ITPR2: variants seen among roughly 807,000 people sequenced by gnomAD.
ITPR2 encodes inositol 1,4,5-trisphosphate-gated calcium channel ITPR2.
In ITPR2, 207 loss-of-function variants were observed where a neutral mutation model predicts 317.1. The observed-to-expected ratio is 0.65, with a 90% confidence interval of 0.58 to 0.73. ITPR2 has a LOEUF of 0.73. Among genes scored for constraint, ITPR2 ranks in the 30% least tolerant of loss-of-function variants. The pLI is 0.00. For synonymous variants in ITPR2, 1,156 were observed against 1,149.1 expected, an observed-to-expected ratio of 1.01 and a Z score of -0.12; for missense variants, 2,613 against 3,284.0, an observed-to-expected ratio of 0.80 and a Z score of 4.99.
At chr12:26,553,798 C>G (rs763916739) in intron 36 of ITPR2, among the ~76,000 whole-genome samples, 22 of 152,150 alleles carry the variant, frequency 1.4e-4, no homozygotes, top group South Asian at 2.1e-4. Context: ...AAAAAAGACC[C>G]CTGGCAAAGC....
Position 26,401,605 on chromosome 12 carries a change from T to C in ITPR2, c.7400-1347A>G, listed in dbSNP as rs536403476. Among the ~76,000 whole-genome samples the C allele has an allele frequency of 5.9e-5, 9 of 152,310 alleles. No individual in the cohort carries two copies. In the South Asian group the frequency reaches 1.7e-3, roughly 28 times the overall value. ...ACACTGGCAAATGACCAGAAATGTA[T>C]TTTTCTCACTACAAGGTTAAAGAAC... On this transcript the variant is annotated intron_variant, in intron 52 of 56. Coordinates refer to ENST00000381340, the MANE Select transcript of ITPR2 (RefSeq NM_002223.4).
chr12:26,727,844 A>G (rs1337893347), intron 2 of ITPR2, among the ~76,000 whole-genome samples: 1 of 152,150 alleles, frequency 6.6e-6, no homozygotes, highest in East Asian at 1.9e-4. Flanking sequence ...CCCCACGGAG[A>G]AGAAAGGAGA....
At chr12:26,812,332 AC>A (rs537747682) in intron 1 of ITPR2, among the ~76,000 whole-genome samples, 390 of 152,144 alleles carry the variant, frequency 2.6e-3, no homozygotes, top group Non-Finnish European at 4.7e-3. Context: ...AATCCCAAGC[AC>A]TCTGGGAGGC....
rs768900636 is a variant in ITPR2, at chr12:26,483,875, G to A, written c.5835C>T (p.Asn1945=). 8 of 1,613,898 alleles carry A rather than the reference G, an allele frequency of 5.0e-6. No individual in the cohort carries two copies. In the East Asian group the frequency reaches 1.8e-4, roughly 36 times the overall value. Residue 1945 remains asparagine (N), a synonymous_variant, in exon 42 of 57, where the codon AAC becomes AAT. Coordinates refer to ENST00000381340, the MANE Select transcript of ITPR2 (RefSeq NM_002223.4). Reference sequence around the variant, plus strand: ...CACAGACTAGGTTGTAATTTGTTTTGTTGTTTTGATTCCTCAAGAAGTTCT... The same window carrying A: ...CACAGACTAGGTTGTAATTTGTTTTATTGTTTTGATTCCTCAAGAAGTTCT... ...ELQNFLRNQN[N]KTNYNLVCET...
intron 45 of ITPR2, among the ~76,000 whole-genome samples, chr12:26,474,391 G>T (rs1942362056): frequency 1.3e-5 from 2 of 152,202 alleles, no homozygotes; most frequent in Admixed American, 1.3e-4. Flanking sequence ...AAACAAATTT[G>T]CATTCAAAGA....
At chr12:26,371,987 G>T (rs562763949) in intron 55 of ITPR2, among the ~76,000 whole-genome samples, 1 of 152,216 alleles carries the variant, frequency 6.6e-6, no homozygotes, top group Non-Finnish European at 1.5e-5. Flanking sequence ...GATCAAACAG[G>T]AACTCCTTAC....
At chr12:26,612,042 T>G (rs184133601) in intron 26 of ITPR2, among the ~76,000 whole-genome samples, 25 of 152,292 alleles carry the variant, frequency 1.6e-4, no homozygotes, top group African/African-American at 6.0e-4. Flanking sequence ...GCAATGGGCT[T>G]AATAGACAAC....
intron 45 of ITPR2, among the ~76,000 whole-genome samples, chr12:26,457,585 G>T (rs992250031): frequency 3.3e-5 from 5 of 152,158 alleles, no homozygotes; most frequent in African/African-American, 1.2e-4. Context: ...GAAGCCTACT[G>T]CAAATAATCC....
chr12:26,598,254 A>T (rs958707405), intron 30 of ITPR2, among the ~76,000 whole-genome samples: 4 of 152,236 alleles, frequency 2.6e-5, no homozygotes, highest in Non-Finnish European at 4.4e-5. Context: ...ATTTACATTT[A>T]AAAAAATTCA....
chr12:26,355,111 G>C (rs1305913317), intron 55 of ITPR2, among the ~76,000 whole-genome samples: 1 of 152,224 alleles, frequency 6.6e-6, no homozygotes, highest in South Asian at 2.1e-4. Context: ...CCTCTAGGTG[G>C]TTGTGATGCA....
intron 48 of ITPR2, among the ~76,000 whole-genome samples, chr12:26,429,953 CTA>C (rs1487209127): frequency 6.6e-6 from 1 of 152,180 alleles, no homozygotes; most frequent in Non-Finnish European, 1.5e-5. Flanking sequence ...TTCTGATAAA[CTA>C]TTCACCTCTT....
chr12:26,616,340 T>C (rs1348770051), intron 26 of ITPR2, among the ~76,000 whole-genome samples: 1 of 152,000 alleles, frequency 6.6e-6, no homozygotes, highest in Non-Finnish European at 1.5e-5. Context: ...GGTTTCACTG[T>C]GTTAGCCAGG....
chr12:26,486,267 C>T lies in ITPR2; in HGVS notation c.5648G>A (p.Arg1883Lys), dbSNP rs371818080. 10 of 1,614,142 alleles carry T rather than the reference C, an allele frequency of 6.2e-6. No individual in the cohort carries two copies. The highest frequency in any genetic ancestry group is 1.6e-4 in the Middle Eastern group (1 of 6,062). ...ATSKAYCVYR[R>K]EMDPEIDIMC... ...AATGTCTATTTCTGGATCCATTTCT[C>T]TTCTGTATACACAATATGCTTTGGA... The change falls in exon 41 of 57, where the codon AGA (arginine) becomes AAA (lysine). Residue 1883 changes from arginine (R) to lysine (K), a missense_variant. By Grantham distance (26) the Arg-to-Lys change is conservative (BLOSUM62 2). Coordinates refer to ENST00000381340, the MANE Select transcript of ITPR2 (RefSeq NM_002223.4).
chr12:26,805,025 G>A (rs575545989), intron 1 of ITPR2, among the ~76,000 whole-genome samples: 75 of 152,222 alleles, frequency 4.9e-4, no homozygotes, highest in Admixed American at 2.4e-3. Flanking sequence ...GTGAACCACC[G>A]CACCAGGCCA....
At chr12:26,402,196 G>A (rs1299727701) in intron 52 of ITPR2, among the ~76,000 whole-genome samples, 2 of 152,174 alleles carry the variant, frequency 1.3e-5, no homozygotes, top group African/African-American at 4.8e-5. Flanking sequence ...AGAAGAATAT[G>A]AGGAAAAACA....
intron 26 of ITPR2, among the ~76,000 whole-genome samples, chr12:26,617,136 A>G (rs978719054): frequency 5.9e-5 from 9 of 152,280 alleles, no homozygotes; most frequent in Non-Finnish European, 1.0e-4. Flanking sequence ...ACCCCTGACC[A>G]TCCCCCAAAC....
At chr12:26,691,669 G>C (rs78888635) in intron 10 of ITPR2, among the ~76,000 whole-genome samples, 22 of 152,188 alleles carry the variant, frequency 1.4e-4, no homozygotes, top group Non-Finnish European at 2.5e-4. Flanking sequence ...GCAGGCATCC[G>C]CACAGCAGTC....
intron 2 of ITPR2, among the ~76,000 whole-genome samples, chr12:26,758,474 G>A (rs151239377): frequency 3.9e-5 from 6 of 152,104 alleles, no homozygotes; most frequent in East Asian, 1.9e-4. Flanking sequence ...CCATCTTAAC[G>A]CTAGCCTTTC....
At chr12:26,705,441 C>T (rs537193103) in intron 9 of ITPR2, among the ~76,000 whole-genome samples, 15 of 151,984 alleles carry the variant, frequency 9.9e-5, no homozygotes, top group Non-Finnish European at 2.1e-4. Context: ...GGCTCCCAGT[C>T]TCTCCCTCAT....
Sources: gnomAD v4.1 joint callset for allele counts (sites outside exome capture counted in the v4.1 genomes callset) on GRCh38, gnomAD v4.1.1 for gene constraint, MANE v1.5 for transcripts, NCBI Gene and HGNC (gene_info 2026-07-23, HGNC 2026-07-21) for gene names.